SYT7: variants seen among roughly 807,000 people sequenced by gnomAD.
The protein encoded by SYT7 is synaptotagmin-7.
A neutral mutation model predicts 75.1 loss-of-function variants in SYT7; 29 were observed. The observed-to-expected ratio is 0.39, with a 90% CI of 0.29 to 0.53. SYT7 has a LOEUF of 0.53. Ranked by LOEUF, SYT7 falls within the 20% of genes least tolerant of loss-of-function variation. The pLI, the probability that SYT7 is intolerant of heterozygous loss-of-function variation, is 0.77. For missense variants in SYT7, 693 were observed against 953.2 expected, an observed-to-expected ratio of 0.73 and a Z score of 3.59; for synonymous variants, 376 against 401.7, an observed-to-expected ratio of 0.94 and a Z score of 0.76.
chr11:61,540,008 G>C (rs555604086), intron 6 of SYT7: 1 of 152,272 alleles, frequency 6.6e-6, no homozygotes, highest in East Asian at 1.9e-4. Context: ...TTGTGCTGGG[G>C]GAAGGCAAAC....
Position 61,546,631 on chromosome 11 carries a change from C to G in SYT7, c.348-376G>C, listed in dbSNP as rs1196314458. The G allele has an allele frequency of 2.1e-6, 1 of 472,142 alleles. No individual in the cohort carries two copies. Among genetic ancestry groups the G allele is most frequent in the Admixed American group, 2.3e-5 (1 of 42,922 alleles). 29.2% of individuals were successfully genotyped at this position (472,142 alleles called of 1,614,324 possible). ...CCTCCAACTCTATCCCACAGGACAA[C>G]GAAGGGTTAACGACGGAGGAAGAGC... On this transcript the variant is annotated intron_variant, in intron 4 of 12. Transcript: ENST00000539008. This position sits in a 1 kb window ranked among gnomAD's most constrained non-coding sequence, Gnocchi z 7.6.
chr11:61,556,805 T>C (rs550117336), intron 1 of SYT7, among the ~76,000 whole-genome samples: 56 of 152,310 alleles, frequency 3.7e-4, no homozygotes, highest in African/African-American at 1.3e-3. Flanking sequence ...TCTGGCCAGC[T>C]GTTGCCCCCT....
rs146022748 is a variant in SYT7, at chr11:61,530,917, G to C, written c.1200+2072C>G. The C allele has an allele frequency of 2.0e-4, 193 of 985,426 alleles. 1 individual carries two copies. The highest frequency in any genetic ancestry group is 2.2e-4 in the Non-Finnish European group (185 of 829,930). The allele number at this position is 985,426 out of a possible 1,614,324, so 61.0% of individuals were successfully genotyped here. A position where few individuals can be genotyped will look rare whatever the true frequency, so the allele number is the denominator to read the frequency against. ...CAGGGAAGGTGCTTCCTGAGCGCTT[G>C]CACCAGCAGAAGTCAGCCTCGAAAA... On this transcript the variant is annotated intron_variant, in intron 8 of 12. Coordinates refer to ENST00000539008, the MANE Select transcript of SYT7 (RefSeq NM_001365809.2).
chr11:61,548,551 G>A (rs2063256239), intron 3 of SYT7, among the ~76,000 whole-genome samples: 1 of 152,172 alleles, frequency 6.6e-6, no homozygotes, highest in Admixed American at 6.5e-5. Flanking sequence ...TCAGGCATGG[G>A]AATGTTTCTA....
chr11:61,547,663 G>C (rs2063231904), intron 3 of SYT7, among the ~76,000 whole-genome samples: 1 of 151,970 alleles, frequency 6.6e-6, no homozygotes, highest in East Asian at 1.9e-4. Context: ...GGACAGAGGG[G>C]AGAAGGGTTG....
In SYT7 at chr11:61,524,840, C is replaced by A; in HGVS notation, c.1472-308G>T. 3.8e-6 allele frequency: 1 copy of A among 260,350 alleles called. No individual in the cohort carries two copies. Among genetic ancestry groups the A allele is most frequent in the Non-Finnish European group, 7.4e-6 (1 of 134,698 alleles). 16.1% of individuals were successfully genotyped at this position (260,350 alleles called of 1,614,324 possible). ...TAGTAAAGAGTAGAACTGCGATCAT[C>A]CATTCACCCATGCACCTTGTGTCCA... On this transcript the variant is annotated intron_variant, in intron 9 of 12. Coordinates refer to ENST00000539008, the MANE Select transcript of SYT7 (RefSeq NM_001365809.2). This position sits in a 1 kb window ranked among gnomAD's most constrained non-coding sequence, Gnocchi z 4.1.
At chr11:61,559,610 T>A (rs1441694169) in intron 1 of SYT7, among the ~76,000 whole-genome samples, 1 of 152,048 alleles carries the variant, frequency 6.6e-6, no homozygotes. Context: ...GGTGGGCTCC[T>A]CTGCTCTGAT....
chr11:61,555,680 C>A (rs898504592), intron 2 of SYT7, among the ~76,000 whole-genome samples: 11 of 152,034 alleles, frequency 7.2e-5, no homozygotes, highest in African/African-American at 2.4e-4. Flanking sequence ...TGGAGGGGAG[C>A]GGGCAGAGGG....
intron 7 of SYT7, chr11:61,533,713 C>T (rs1399133759): frequency 1.0e-6 from 1 of 977,578 alleles, no homozygotes; most frequent in Non-Finnish European, 1.2e-6. Flanking sequence ...TGTATTTGTG[C>T]TGTCCAGTGG....
intron 3 of SYT7, among the ~76,000 whole-genome samples, chr11:61,549,906 C>G (rs926854617): frequency 1.3e-5 from 2 of 152,154 alleles, no homozygotes. Flanking sequence ...ACTCTGGGCC[C>G]TGCCACACGC....
chr11:61,538,140 G>C lies in SYT7; in HGVS notation c.1064+4C>G, dbSNP rs769554097. On this transcript the variant is annotated splice_donor_region_variant and intron_variant, in intron 7 of 12. Coordinates refer to ENST00000539008, the MANE Select transcript of SYT7 (RefSeq NM_001365809.2). ...CCGCCGCAGGCCCTCGCCTGTGCTC[G>C]TACCTCTTGTCCCCCTGAGCGTTCT... 1 of 1,535,942 alleles carries C rather than the reference G, an allele frequency of 6.5e-7. No homozygotes were observed. The highest frequency in any genetic ancestry group is 1.2e-5 in the South Asian group (1 of 84,062).
At position 61,523,834 on chromosome 11, in the gene SYT7, GC is replaced by G; in HGVS notation, c.1748del (p.Gly583AlafsTer7). 1 of 1,613,894 alleles carries G rather than the reference GC, an allele frequency of 6.2e-7. No individual in the cohort carries two copies. Among genetic ancestry groups the G allele is most frequent in the East Asian group, 2.2e-5 (1 of 44,860 alleles). On this transcript the variant is annotated frameshift_variant, in exon 11 of 13. Coordinates refer to ENST00000539008, the MANE Select transcript of SYT7 (RefSeq NM_001365809.2). LOFTEE classifies it high-confidence loss of function. This position sits in a 1 kb window ranked among gnomAD's most constrained non-coding sequence, Gnocchi z 5.0. ...ARNLKAMDIG[G>X]TSDPYVKVWL... Reference sequence around the variant, plus strand: ...GCTGGAGAAGCCCCGTACCTGATGTGCCCCCGATGTCCATGGCTTTGAGGTT... The same window carrying G: ...GCTGGAGAAGCCCCGTACCTGATGTGCCCCGATGTCCATGGCTTTGAGGTT...
intron 1 of SYT7, among the ~76,000 whole-genome samples, chr11:61,579,284 G>A (rs2064171962): frequency 6.6e-6 from 1 of 152,256 alleles, no homozygotes. Flanking sequence ...CCTGCCACGG[G>A]CCATGGGCTG....
At chr11:61,548,499 G>A (rs1286700156) in intron 3 of SYT7, among the ~76,000 whole-genome samples, 1 of 152,204 alleles carries the variant, frequency 6.6e-6, no homozygotes, top group Non-Finnish European at 1.5e-5. Flanking sequence ...TGGGAGTACA[G>A]GGGGAATAGA....
chr11:61,552,242 A>G (rs1300041964), intron 2 of SYT7, among the ~76,000 whole-genome samples: 1 of 152,110 alleles, frequency 6.6e-6, no homozygotes, highest in Non-Finnish European at 1.5e-5. Context: ...TCACCTTCTC[A>G]GTTTGGGTTT....
chr11:61,533,312 C>G, intron 7 of SYT7, 188 bp from the exon 8 acceptor site: 2 of 985,452 alleles, frequency 2.0e-6, no homozygotes, highest in Non-Finnish European at 2.4e-6. Context: ...GGGGCCCATT[C>G]TCCTTGCAGC....
chr11:61,578,339 G>A (rs1047431007), intron 1 of SYT7, among the ~76,000 whole-genome samples: 5 of 152,198 alleles, frequency 3.3e-5, no homozygotes, highest in Non-Finnish European at 5.9e-5. Context: ...GAACCAGCAT[G>A]AGGCAAAGGG....
At chr11:61,577,584 G>A (rs2064118450) in intron 1 of SYT7, among the ~76,000 whole-genome samples, 1 of 152,234 alleles carries the variant, frequency 6.6e-6, no homozygotes. Context: ...CCAGTGACTG[G>A]AGGGTTGGCC....
In SYT7 at chr11:61,553,600, T is replaced by G. The variant is rs1032433183; in HGVS notation, c.136-2137A>C. Among the ~76,000 whole-genome samples the G allele has an allele frequency of 3.9e-5, 6 of 152,026 alleles. No individual in the cohort carries two copies. Among genetic ancestry groups the G allele is most frequent in the Non-Finnish European group, 8.8e-5 (6 of 67,994 alleles). ...CTCTGCAGCAGGAGCCGAGGTGCTA[T>G]GGGGGACAGGAACCAGGCCAGGACT... On this transcript the variant is annotated intron_variant, in intron 2 of 12. Coordinates refer to ENST00000539008, the MANE Select transcript of SYT7 (RefSeq NM_001365809.2). This position sits in a 1 kb window ranked among gnomAD's most constrained non-coding sequence, Gnocchi z 5.2.
Sources: allele counts gnomAD v4.1 joint callset (sites outside exome capture counted in the v4.1 genomes callset), GRCh38; gene constraint gnomAD v4.1.1; non-coding constraint Gnocchi (gnomAD v3.1); transcripts MANE v1.5; gene names NCBI Gene and HGNC (gene_info 2026-07-23, HGNC 2026-07-21).